Variants in DHX8 observed in about 807,000 individuals in gnomAD.
DHX8 encodes ATP-dependent RNA helicase DHX8.
In DHX8, 67 loss-of-function variants were observed where a neutral mutation model predicts 140.7. The ratio of observed to expected loss-of-function variants is 0.48; its 90% confidence interval spans 0.39 to 0.58. The LOEUF (loss-of-function observed/expected upper bound fraction) is 0.58, where lower values mean the gene tolerates loss of function less well. Among genes scored for constraint, DHX8 ranks in the 20% least tolerant of loss-of-function variants. The probability of loss-of-function intolerance (pLI) is 0.00; values close to 1 mark genes in which losing one functional copy is unlikely to be tolerated. For missense variants in DHX8, 887 were observed against 1,550.7 expected, an observed-to-expected ratio of 0.57 and a Z score of 7.19; for synonymous variants, 533 against 553.2, an observed-to-expected ratio of 0.96 and a Z score of 0.51.
At chr17:43,535,098 C>T (rs988215356) in intron 2 of DHX8, among the ~76,000 whole-genome samples, 5 of 152,142 alleles carry the variant, frequency 3.3e-5, no homozygotes, top group African/African-American at 9.7e-5. Flanking sequence ...ACTCTGGCCA[C>T]GAGGCTGAGC....
intron 2 of DHX8, chr17:43,532,923 G>C (rs771042178): frequency 6.3e-7 from 1 of 1,575,956 alleles, no homozygotes; most frequent in Admixed American, 1.9e-5. Flanking sequence ...ATGTCCAGGG[G>C]CTGCTGGAAG....
intron 15 of DHX8, 68 bp downstream of exon 15, chr17:43,508,087 A>G (rs953491362): frequency 1.7e-5 from 24 of 1,444,832 alleles, no homozygotes; most frequent in Non-Finnish European, 2.1e-5. Context: ...AAGTCCTCAT[A>G]TGGGTATCTT....
chr17:43,496,123 C>CA (rs955776373), intron 8 of DHX8, 58 bp from the exon 9 acceptor site: 294 of 1,401,342 alleles, frequency 2.1e-4, no homozygotes, highest in Non-Finnish European at 2.4e-4. Flanking sequence ...AACCAAAAAA[C>CA]AAAAAAAAAG....
At chr17:43,513,552 T>C in intron 17 of DHX8, 50 bp downstream of exon 17, 2 of 1,581,180 alleles carry the variant, frequency 1.3e-6, no homozygotes, top group South Asian at 1.2e-5. Context: ...ATTAGGGCCT[T>C]TCTGAAACTT....
downstream of DHX8, chr17:43,526,058 A>G: frequency 1.0e-6 from 1 of 985,396 alleles, no homozygotes. Flanking sequence ...TGCTATGACA[A>G]CATAGCTGGG....
At position 43,507,505 on chromosome 17, in the gene DHX8, G is replaced by T; in HGVS notation, c.1926G>T (p.Val642=). 6.2e-7 allele frequency: 1 copy of T among 1,613,230 alleles called. No individual in the cohort carries two copies. The highest frequency in any genetic ancestry group is 8.5e-7 in the Non-Finnish European group (1 of 1,179,626). ...TTTCCCCTTCTCTTCTGCTTTAGGT[G>T]GGCTACACCATTCGATTTGAGGACT... ...EEFGCCLGQE[V]GYTIRFEDCT... Residue 642 remains valine, a splice_region_variant and synonymous_variant, in exon 14 of 23, where the codon GTG becomes GTT. Coordinates refer to ENST00000262415, the MANE Select transcript of DHX8 (RefSeq NM_004941.3).
chr17:43,524,854 T>A lies in DHX8; in HGVS notation c.*1007T>A, dbSNP rs1011271737. The A allele has an allele frequency of 1.0e-6, 1 of 985,426 alleles. No homozygotes were observed. Among genetic ancestry groups the A allele is most frequent in the African/African-American group, 1.7e-5 (1 of 57,350 alleles). 61.0% of individuals were successfully genotyped at this position (985,426 alleles called of 1,614,324 possible). A position where few individuals can be genotyped will look rare whatever the true frequency, so the allele number is the denominator to read the frequency against. On this transcript the variant is annotated 3_prime_UTR_variant, in exon 23 of 23. Transcript: ENST00000262415. ...ACCTCTCCTCTCAGCTGGTTTGTGCTGCCAGTATCTGTGCTGCAGGGCTTG... is the reference window on the plus strand; with the variant it reads ...ACCTCTCCTCTCAGCTGGTTTGTGCAGCCAGTATCTGTGCTGCAGGGCTTG...
At chr17:43,514,453 T>A (rs139047732) in intron 17 of DHX8, among the ~76,000 whole-genome samples, 2 of 152,342 alleles carry the variant, frequency 1.3e-5, no homozygotes, top group East Asian at 3.9e-4. Context: ...CTTTATTTTC[T>A]AGTACCTTGC....
rs766842037 is a variant in DHX8 at position 43,507,089 on chromosome 17, A to C, written c.1815A>C (p.Ala605=). The change falls in exon 13 of 23, where the codon GCA becomes GCC. Residue 605 remains alanine (A), a synonymous_variant. Coordinates refer to ENST00000262415, the MANE Select transcript of DHX8 (RefSeq NM_004941.3). ...AGATCACCCAGTACCTGGCGGAGGC[A>C]GGCTACACTTCCAGGGGCAAGATTG... The part of the protein sequence containing the change: ...TTQITQYLAE[A]GYTSRGKIGC... The C allele has an allele frequency of 1.2e-6, 2 of 1,614,108 alleles. No individual in the cohort carries two copies. Among genetic ancestry groups the C allele is most frequent in the Non-Finnish European group, 1.7e-6 (2 of 1,180,020 alleles).
chr17:43,489,114 C>T (rs1968349973), intron 1 of DHX8, among the ~76,000 whole-genome samples: 1 of 152,058 alleles, frequency 6.6e-6, no homozygotes, highest in Admixed American at 6.5e-5. Flanking sequence ...AAGTGATTCT[C>T]CTGCCTCAGT....
chr17:43,492,883 A>G lies in DHX8; in HGVS notation c.706A>G (p.Lys236Glu). 1.2e-6 allele frequency: 2 copies of G among 1,614,202 alleles called. No individual in the cohort carries two copies. The highest frequency in any genetic ancestry group is 1.7e-6 in the Non-Finnish European group (2 of 1,180,036). ...GAGTCAGAGTCCCCCCAAAGACCGGAAGGACCGGGACAAATATGGAGAGCG... is the reference window on the plus strand; with the variant it reads ...GAGTCAGAGTCCCCCCAAAGACCGGGAGGACCGGGACAAATATGGAGAGCG... ...SRSQSPPKDR[K>E]DRDKYGERNL... Residue 236 changes from lysine (K) to glutamate (E), a missense_variant, in exon 6 of 23, where the codon AAG becomes GAG. Physicochemically the swap from Lys to Glu is moderately conservative, Grantham distance 56. Coordinates refer to ENST00000262415, the MANE Select transcript of DHX8 (RefSeq NM_004941.3).
At chr17:43,512,022 T>C (rs1357490562) in intron 16 of DHX8, among the ~76,000 whole-genome samples, 1 of 151,982 alleles carries the variant, frequency 6.6e-6, no homozygotes, top group East Asian at 1.9e-4. Flanking sequence ...AGACCCTGTC[T>C]CAAAAAAGAA....
At chr17:43,532,724 C>G (rs376917478) in intron 2 of DHX8, 1 of 1,613,958 alleles carries the variant, frequency 6.2e-7, no homozygotes, top group Non-Finnish European at 8.5e-7. Flanking sequence ...CACCCCCGCC[C>G]CTGGGTACCT....
chr17:43,520,641 A>G lies in DHX8; in HGVS notation c.2938-110A>G, dbSNP rs931854721. 25 of 1,332,824 alleles carry G rather than the reference A, an allele frequency of 1.9e-5. No homozygotes were observed. The South Asian group carries it at 3.2e-4, about 17-fold the overall frequency. 82.6% of individuals were successfully genotyped at this position (1,332,824 alleles called of 1,614,324 possible). A position where few individuals can be genotyped will look rare whatever the true frequency, so the allele number is the denominator to read the frequency against. On this transcript the variant is annotated intron_variant, in intron 19 of 22. Coordinates refer to ENST00000262415, the MANE Select transcript of DHX8 (RefSeq NM_004941.3). ...GAGAAAGGCATCCCAAGGCATCATT[A>G]TGCTTTGGGAAAATCTGTGTTGTTA...
intron 17 of DHX8, 137 bp downstream of exon 17, chr17:43,513,639 A>G: frequency 1.3e-6 from 1 of 746,986 alleles, no homozygotes; most frequent in Non-Finnish European, 2.0e-6. Context: ...ACATGAGGGA[A>G]GGATTTTTTG....
chr17:43,502,891 C>G (rs1235041164), intron 11 of DHX8, among the ~76,000 whole-genome samples: 2 of 152,206 alleles, frequency 1.3e-5, no homozygotes, highest in African/African-American at 4.8e-5. Context: ...GAAATGTTCT[C>G]CATGACCCTC....
chr17:43,513,577 A>T (rs990506955), intron 17 of DHX8, 75 bp downstream of exon 17: 21 of 1,485,582 alleles, frequency 1.4e-5, no homozygotes, highest in Non-Finnish European at 1.9e-5. Flanking sequence ...ATGGTTATAT[A>T]TTTCAAACTT....
chr17:43,492,690 A>AAAG lies in DHX8; in HGVS notation c.523_525dup (p.Lys175dup), dbSNP rs1190861468. 2 of 1,559,800 alleles carry AAAG rather than the reference A, an allele frequency of 1.3e-6. No homozygotes were observed. Among genetic ancestry groups the AAAG allele is most frequent in the African/African-American group, 2.7e-5 (2 of 73,790 alleles). On this transcript the variant is annotated inframe_insertion, in exon 6 of 23. Coordinates refer to ENST00000262415, the MANE Select transcript of DHX8 (RefSeq NM_004941.3). Reference sequence around the variant, plus strand: ...CTTATTGATTTGTTAGGGACAGGACAAAGAAGAAGAAGCGGAGTCGAAGCC... The same window carrying AAAG: ...CTTATTGATTTGTTAGGGACAGGACAAAGAAGAAGAAGAAGCGGAGTCGAAGCC...
intron 5 of DHX8, 22 bp from the exon 6 acceptor site, chr17:43,492,659 C>A: frequency 7.2e-7 from 1 of 1,383,836 alleles, no homozygotes; most frequent in Non-Finnish European, 1.0e-6. Flanking sequence ...CTTTTTTAAA[C>A]AGGTGCTTAT....
Sources: allele counts gnomAD v4.1 joint callset (sites outside exome capture counted in the v4.1 genomes callset), GRCh38; gene constraint gnomAD v4.1.1; transcripts MANE v1.5; gene names NCBI Gene and HGNC (gene_info 2026-07-23, HGNC 2026-07-21).